The following MITF variants were observed in gnomAD, a reference collection of about 807,000 sequenced individuals.
MITF encodes microphthalmia-associated transcription factor.
In MITF, 17 loss-of-function variants were observed where a neutral mutation model predicts 60.5. That is an observed-to-expected ratio of 0.28 (90% CI 0.19 to 0.42). The LOEUF (loss-of-function observed/expected upper bound fraction) is 0.42, where lower values mean the gene tolerates loss of function less well. Among genes scored for constraint, MITF ranks in the 10% least tolerant of loss-of-function variants. The probability of loss-of-function intolerance (pLI) is 1.00; values close to 1 mark genes in which losing one functional copy is unlikely to be tolerated. For missense variants in MITF, 622 were observed against 683.5 expected, an observed-to-expected ratio of 0.91 and a Z score of 1.00; for synonymous variants, 260 against 248.5, an observed-to-expected ratio of 1.05 and a Z score of -0.43.
At chr3:69,921,217 TA>T (rs1299529144) in intron 2 of MITF, among the ~76,000 whole-genome samples, 1 of 152,170 alleles carries the variant, frequency 6.6e-6, no homozygotes, top group East Asian at 1.9e-4. Context: ...AAGGAGGCTA[TA>T]TGTGAAACTC....
intron 8 of MITF, among the ~76,000 whole-genome samples, chr3:69,958,271 T>G (rs1358651893): frequency 6.6e-6 from 1 of 152,238 alleles, no homozygotes; most frequent in Non-Finnish European, 1.5e-5. Context: ...AAGTTACTTC[T>G]CTTACTTTGA....
At chr3:69,801,019 C>T (rs1575734330) in intron 1 of MITF, among the ~76,000 whole-genome samples, 1 of 150,470 alleles carries the variant, frequency 6.6e-6, no homozygotes, top group South Asian at 2.1e-4. Flanking sequence ...GGGGTAATAA[C>T]AATTCCTCTT....
chr3:69,756,467 T>C (rs1704151955), intron 1 of MITF, among the ~76,000 whole-genome samples: 1 of 61,202 alleles, frequency 1.6e-5, no homozygotes, highest in Non-Finnish European at 4.4e-5. Context: ...ATGAACTCAT[T>C]TTTTTTTTAT....
At chr3:69,847,539 G>A (rs1362881951) in intron 1 of MITF, among the ~76,000 whole-genome samples, 1 of 152,170 alleles carries the variant, frequency 6.6e-6, no homozygotes, top group Non-Finnish European at 1.5e-5. Context: ...TCCAGGGGTT[G>A]TATTTTTAAC....
rs1328440915 is a variant in MITF, at chr3:69,937,979, C to A, written c.512C>A (p.Pro171Gln). 6.2e-7 allele frequency: 1 copy of A among 1,614,186 alleles called. No individual in the cohort carries two copies. The highest frequency in any genetic ancestry group is 1.7e-5 in the Admixed American group (1 of 60,026). Residue 171 changes from proline (P) to glutamine (Q), a missense_variant, in exon 3 of 10, where the codon CCG (proline) becomes CAG (glutamine). Physicochemically the swap from Pro to Gln is moderately conservative, Grantham distance 76 (BLOSUM62 -1). Around this residue, in one of 5 missense-constraint regions of MITF, gnomAD observed 215 missense variants for 224.8 expected, o/e 0.96. Coordinates refer to ENST00000352241, the MANE Select transcript of MITF (RefSeq NM_001354604.2). The part of the protein sequence containing the change: ...PNQPGDHVMP[P>Q]VPGSSAPNSP... ...CAGCCTGGCGATCATGTCATGCCAC[C>A]GGTGCCGGGGAGCAGCGCACCCAAC...
At chr3:69,847,897 A>G (rs1333077764) in intron 1 of MITF, among the ~76,000 whole-genome samples, 1 of 152,242 alleles carries the variant, frequency 6.6e-6, no homozygotes, top group Non-Finnish European at 1.5e-5. Flanking sequence ...CCTAACTACC[A>G]TGTTCCCAAT....
chr3:69,795,836 A>T (rs1034652681), intron 1 of MITF, among the ~76,000 whole-genome samples: 6 of 152,242 alleles, frequency 3.9e-5, no homozygotes, highest in Non-Finnish European at 7.3e-5. Context: ...GCACGTATTT[A>T]AAAAATATAA....
Position 69,759,266 on chromosome 3 carries a change from T to C in MITF, c.104+19565T>C, listed in dbSNP as rs183618519. Among the ~76,000 whole-genome samples the C allele has an allele frequency of 2.3e-3, 343 of 152,312 alleles. 8 individuals are homozygous for C. The highest frequency in any genetic ancestry group is 2.9e-4 in the Non-Finnish European group (20 of 68,014). On this transcript the variant is annotated intron_variant, in intron 1 of 9. Coordinates refer to ENST00000352241, the MANE Select transcript of MITF (RefSeq NM_001354604.2). Reference sequence around the variant, plus strand: ...ACGTTGAACTTGTGGCCAGCAGCACTATAACCTGACTGACTTAGGAACACT... The same window carrying C: ...ACGTTGAACTTGTGGCCAGCAGCACCATAACCTGACTGACTTAGGAACACT...
intron 2 of MITF, among the ~76,000 whole-genome samples, chr3:69,909,381 A>G (rs2065173820): frequency 1.3e-5 from 2 of 152,176 alleles, no homozygotes; most frequent in South Asian, 2.1e-4. Context: ...CAGTGTGAAA[A>G]TGGACTAATA....
At chr3:69,773,104 A>G (rs2062418439) in intron 1 of MITF, among the ~76,000 whole-genome samples, 1 of 152,186 alleles carries the variant, frequency 6.6e-6, no homozygotes, top group South Asian at 2.1e-4. Context: ...AAAGACCCAA[A>G]GAAGATGAGG....
rs2064743837 is a variant in MITF, at chr3:69,890,841, G to A, written c.354+11458G>A. Among the ~76,000 whole-genome samples the A allele has an allele frequency of 2.0e-5, 3 of 152,132 alleles. No individual in the cohort carries two copies. In the South Asian group the frequency reaches 6.2e-4, roughly 32 times the overall value. On this transcript the variant is annotated intron_variant, in intron 2 of 9. Transcript: ENST00000352241. ...TGCAAACAATGAGTCAATTATATTGGAATTAGTAAACTGTGTTAGAGAGAT... is the reference window on the plus strand; with the variant it reads ...TGCAAACAATGAGTCAATTATATTGAAATTAGTAAACTGTGTTAGAGAGAT...
chr3:69,799,213 T>G (rs2062878563), intron 1 of MITF, among the ~76,000 whole-genome samples: 1 of 152,162 alleles, frequency 6.6e-6, no homozygotes, highest in African/African-American at 2.4e-5. Flanking sequence ...CTTGGGAGAA[T>G]GCATAGTGAG....
chr3:69,739,476 G>C lies in MITF; in HGVS notation c.-122G>C, dbSNP rs938144600. ...GGGGCGGGCGGCCGCGAGCCGGCGA[G>C]CGGGCAGAGCTCGGCACTGCGCCGG... is the stretch of plus-strand genomic sequence containing the variant. On this transcript the variant is annotated 5_prime_UTR_variant, in exon 1 of 10. Transcript: ENST00000352241. The C allele has an allele frequency of 2.1e-5, 17 of 805,192 alleles. No individual in the cohort carries two copies. Among genetic ancestry groups the C allele is most frequent in the African/African-American group, 2.0e-4 (11 of 54,400 alleles). 49.9% of individuals were successfully genotyped at this position (805,192 alleles called of 1,614,324 possible).
At chr3:69,841,429 T>C (rs772199209) in intron 1 of MITF, among the ~76,000 whole-genome samples, 8 of 152,250 alleles carry the variant, frequency 5.3e-5, no homozygotes, top group African/African-American at 1.4e-4. Context: ...AGCTGTAATT[T>C]GCAGGACACT....
Position 69,749,890 on chromosome 3 carries a change from C to T in MITF, c.104+10189C>T, listed in dbSNP as rs950746408. 2.6e-5 allele frequency among the ~76,000 whole-genome samples: 4 copies of T among 152,134 alleles called. 1 individual carries two copies. The highest frequency in any genetic ancestry group is 9.6e-5 in the African/African-American group (4 of 41,516). On this transcript the variant is annotated intron_variant, in intron 1 of 9. Transcript: ENST00000352241. ...ATAATATTTTTTATCTAGGCAAATG[C>T]GAGATGAGTAAATGCTAAATGATAG...
chr3:69,800,729 C>G (rs905935594), intron 1 of MITF, among the ~76,000 whole-genome samples: 1 of 152,086 alleles, frequency 6.6e-6, no homozygotes, highest in Non-Finnish European at 1.5e-5. Context: ...GTTCCTCCCC[C>G]CTTTTCATTT....
rs534708817 is a variant in MITF, at chr3:69,966,265, C to T, written c.*1017C>T. ...AAATGGCAAGTTTTCCATATTTTTA[C>T]AACTCACTGGTGGTTTTCCGCATTC... On this transcript the variant is annotated 3_prime_UTR_variant, in exon 10 of 10. Coordinates refer to ENST00000352241, the MANE Select transcript of MITF (RefSeq NM_001354604.2). 27 of 232,628 alleles carry T rather than the reference C, an allele frequency of 1.2e-4. No homozygotes were observed. The Admixed American group carries it at 1.2e-3, about 10-fold the overall frequency. 14.4% of individuals were successfully genotyped at this position (232,628 alleles called of 1,614,324 possible).
chr3:69,882,561 ACAAC>A (rs2064513691), intron 2 of MITF, among the ~76,000 whole-genome samples: 1 of 152,104 alleles, frequency 6.6e-6, no homozygotes, highest in African/African-American at 2.4e-5. Flanking sequence ...TGAATTAACA[ACAAC>A]AAAAAAAAAG....
chr3:69,925,294 A>G (rs539181360), intron 2 of MITF, among the ~76,000 whole-genome samples: 1 of 152,226 alleles, frequency 6.6e-6, no homozygotes, highest in Non-Finnish European at 1.5e-5. Context: ...TCTATTTGAA[A>G]TTCCATTCAG....
Sources: gnomAD v4.1 joint callset for allele counts (sites outside exome capture counted in the v4.1 genomes callset) on GRCh38, gnomAD v4.1.1 for gene constraint, gnomAD v4.1.1 regional missense constraint, MANE v1.5 for transcripts, NCBI Gene and HGNC (gene_info 2026-07-23, HGNC 2026-07-21) for gene names.